DMD: variants seen among roughly 807,000 people sequenced by gnomAD.
DMD encodes dystrophin, also known as mutant dystrophin.
A neutral mutation model predicts 330.1 loss-of-function variants in DMD; 63 were observed. The ratio of observed to expected loss-of-function variants is 0.19; its 90% CI spans 0.16 to 0.24. The LOEUF is 0.24. DMD is among the 10% of genes least tolerant of loss of function. The probability of loss-of-function intolerance (pLI) is 1.00; values close to 1 mark genes in which losing one functional copy is unlikely to be tolerated. For synonymous variants in DMD, 1,223 were observed against 959.8 expected, an observed-to-expected ratio of 1.27 and a Z score of -5.07; for missense variants, 3,344 against 2,684.1, an observed-to-expected ratio of 1.25 and a Z score of -5.43.
intron 44 of DMD, among the ~76,000 whole-genome samples, chrX:32,156,373 C>T (rs1316726914): frequency 2.7e-5 from 3 of 112,007 alleles, no homozygotes; most frequent in Admixed American, 9.4e-5. Flanking sequence ...AGCGAGACTT[C>T]GTCTCAAAAA....
Position 33,063,340 on chromosome X carries a change from T to C in DMD, c.32-43140A>G, listed in dbSNP as rs1000218218. On this transcript the variant is annotated intron_variant, in intron 1 of 78. Coordinates refer to ENST00000357033, the MANE Select transcript of DMD (RefSeq NM_004006.3). ...AGAAAATGTTACCATGGCAGTAAAA[T>C]ATGCATGTATTTGAGGATGATATTC... 5.4e-5 allele frequency among the ~76,000 whole-genome samples: 6 copies of C among 111,189 alleles called. No individual in the cohort carries two copies. In the Admixed American group the frequency reaches 5.8e-4, roughly 11 times the overall value.
At position 32,263,597 on chromosome X, in the gene DMD, G is replaced by T. The variant is rs139389394; in HGVS notation, c.6290+23932C>A. ...GTTTCACTTTTCAATAAACGAAATA[G>T]CCGTGACAATTCTGTCTTTAGGATG... On this transcript the variant is annotated intron_variant, in intron 43 of 78. Coordinates refer to ENST00000357033, the MANE Select transcript of DMD (RefSeq NM_004006.3). Among the ~76,000 whole-genome samples the T allele has an allele frequency of 1.7e-4, 19 of 111,974 alleles. No individual in the cohort carries two copies. In the East Asian group the frequency reaches 4.8e-3, roughly 28 times the overall value.
intron 1 of DMD, among the ~76,000 whole-genome samples, chrX:33,089,388 T>C (rs112668286): frequency 9.0e-6 from 1 of 110,834 alleles, no homozygotes; most frequent in East Asian, 2.8e-4. Context: ...CTTAACTGAT[T>C]GCTCCAGCTT....
In DMD at chrX:33,096,513, T is replaced by A. The variant is rs551502414; in HGVS notation, c.32-76313A>T. 5.7e-5 allele frequency among the ~76,000 whole-genome samples: 6 copies of A among 106,002 alleles called. No individual in the cohort carries two copies. The South Asian group carries it at 2.4e-3, about 43-fold the overall frequency. 92.0% of individuals were successfully genotyped at this position (106,002 alleles called of 115,157 possible). A position where few individuals can be genotyped will look rare whatever the true frequency, so the allele number is the denominator to read the frequency against. On this transcript the variant is annotated intron_variant, in intron 1 of 78. Coordinates refer to ENST00000357033, the MANE Select transcript of DMD (RefSeq NM_004006.3). ...ATTTTGGAGACGACTTTTTTTTTTTTTATTTTTTTGAGACAGAGTTTTGCT... is the reference window on the plus strand; with the variant it reads ...ATTTTGGAGACGACTTTTTTTTTTTATATTTTTTTGAGACAGAGTTTTGCT...
intron 7 of DMD, among the ~76,000 whole-genome samples, chrX:32,771,527 C>G (rs1356768201): frequency 9.0e-6 from 1 of 111,362 alleles, no homozygotes; most frequent in Non-Finnish European, 1.9e-5. Flanking sequence ...CACACACACT[C>G]TGCCACTACT....
At chrX:32,650,611 C>A (rs1420985480) in intron 9 of DMD, among the ~76,000 whole-genome samples, 1 of 111,965 alleles carries the variant, frequency 8.9e-6, no homozygotes, top group Non-Finnish European at 1.9e-5. Flanking sequence ...CTATTCAAAG[C>A]ATAAAAATGA....
chrX:32,328,442 G>C (rs2148705054), intron 41 of DMD, among the ~76,000 whole-genome samples: 1 of 111,254 alleles, frequency 9.0e-6, no homozygotes, highest in East Asian at 2.8e-4. Flanking sequence ...TCTTGTTTTT[G>C]CTCCTCACAT....
chrX:31,292,965 G>C (rs2053818711), intron 62 of DMD, among the ~76,000 whole-genome samples: 1 of 111,068 alleles, frequency 9.0e-6, no homozygotes, highest in African/African-American at 3.3e-5. Context: ...TAGTGATTGG[G>C]AGAGGGAATG....
intron 54 of DMD, among the ~76,000 whole-genome samples, chrX:31,650,997 G>A (rs1209942120): frequency 8.9e-6 from 1 of 111,895 alleles, no homozygotes; most frequent in Non-Finnish European, 1.9e-5. Flanking sequence ...AGGATGAGGT[G>A]ACAATAGGGA....
At chrX:32,059,464 A>G (rs775128192) in intron 44 of DMD, among the ~76,000 whole-genome samples, 1 of 111,729 alleles carries the variant, frequency 9.0e-6, no homozygotes, top group South Asian at 3.7e-4. Flanking sequence ...AGGCAACAAT[A>G]TAAGATGTAG....
intron 9 of DMD, among the ~76,000 whole-genome samples, chrX:32,659,737 A>T (rs1450944929): frequency 9.0e-6 from 1 of 111,085 alleles, no homozygotes; most frequent in Non-Finnish European, 1.9e-5. Flanking sequence ...AGACCAAGGC[A>T]TCTTTCCATG....
chrX:32,676,587 G>A (rs73209874), intron 9 of DMD, among the ~76,000 whole-genome samples: 381 of 110,958 alleles, frequency 3.4e-3, no homozygotes, highest in Non-Finnish European at 4.4e-3. Flanking sequence ...GTGTTAGCGG[G>A]ATTGTGGACG....
intron 1 of DMD, among the ~76,000 whole-genome samples, chrX:33,149,730 A>G (rs1225530662): frequency 9.0e-6 from 1 of 111,086 alleles, no homozygotes; most frequent in Non-Finnish European, 1.9e-5. Context: ...TCTCCACCAA[A>G]GCAACATACA....
intron 2 of DMD, among the ~76,000 whole-genome samples, chrX:32,951,341 A>C (rs1303176454): frequency 9.0e-6 from 1 of 111,464 alleles, no homozygotes; most frequent in Non-Finnish European, 1.9e-5. Flanking sequence ...GTCCGAGCAA[A>C]AGCTTTTCTA....
At chrX:31,203,537 T>A (rs865979906) in intron 67 of DMD, among the ~76,000 whole-genome samples, 3 of 108,493 alleles carry the variant, frequency 2.8e-5, no homozygotes, top group East Asian at 2.9e-4. Flanking sequence ...AGGACAGTTT[T>A]AAAAAAAAGG....
At chrX:32,871,495 G>A (rs1169720439) in intron 2 of DMD, among the ~76,000 whole-genome samples, 1 of 111,007 alleles carries the variant, frequency 9.0e-6, no homozygotes, top group East Asian at 2.8e-4. Context: ...CAAGGAAAGA[G>A]ACATCAAGGA....
intron 12 of DMD, among the ~76,000 whole-genome samples, chrX:32,597,299 T>C (rs1401945985): frequency 9.0e-6 from 1 of 111,534 alleles, no homozygotes; most frequent in African/African-American, 3.3e-5. Flanking sequence ...CTTAGTCCTT[T>C]TGTCTCTACT....
chrX:31,595,738 GT>G (rs5901989), intron 55 of DMD, among the ~76,000 whole-genome samples: 13 of 100,726 alleles, frequency 1.3e-4, no homozygotes, highest in African/African-American at 3.2e-4. Context: ...GACCTATGCT[GT>G]TTTTTTTTTT....
At chrX:32,315,234 G>A (rs2097579040) in intron 41 of DMD, among the ~76,000 whole-genome samples, 1 of 111,741 alleles carries the variant, frequency 8.9e-6, no homozygotes. Flanking sequence ...CGTGTCCTTT[G>A]CAGGAACATG....
Sources: gnomAD v4.1 joint callset for allele counts (sites outside exome capture counted in the v4.1 genomes callset) on GRCh38, gnomAD v4.1.1 for gene constraint, MANE v1.5 for transcripts, NCBI Gene and HGNC (gene_info 2026-07-23, HGNC 2026-07-21) for gene names.